The following PTBP2 variants were observed in gnomAD, a reference collection of about 807,000 sequenced individuals.
The protein encoded by PTBP2 is polypyrimidine tract binding protein 2.
A neutral mutation model predicts 61.4 loss-of-function variants in PTBP2; 13 were observed. The ratio of observed to expected loss-of-function variants is 0.21; its 90% CI spans 0.14 to 0.34. The LOEUF is 0.34. Ranked by LOEUF, PTBP2 falls within the 10% of genes least tolerant of loss-of-function variation. The pLI is 1.00. For missense variants in PTBP2, 405 were observed against 642.6 expected, an observed-to-expected ratio of 0.63 and a Z score of 4.00; for synonymous variants, 215 against 218.5, an observed-to-expected ratio of 0.98 and a Z score of 0.14.
intron 2 of PTBP2, among the ~76,000 whole-genome samples, chr1:96,723,904 AATGG>A (rs1650000148): frequency 6.6e-6 from 1 of 152,218 alleles, no homozygotes; most frequent in African/African-American, 2.4e-5. Context: ...AATGATTTTA[AATGG>A]ATGGTAAGTG....
At chr1:96,798,600 ATAGAG>A (rs1409708558) in intron 8 of PTBP2, among the ~76,000 whole-genome samples, 14 of 152,340 alleles carry the variant, frequency 9.2e-5, no homozygotes, top group African/African-American at 3.1e-4. Flanking sequence ...GTTCAAAATC[ATAGAG>A]TAAACTCTCA....
rs1308141717 is a variant in PTBP2 at position 96,813,584 on chromosome 1, CAG to C, written c.*182_*183del. ...TAAAATGAAATGGCATATGTAAAGG[CAG>C]AGTTGTTAACTGCTATATTTCATCT... On this transcript the variant is annotated 3_prime_UTR_variant, in exon 14 of 14. Transcript: ENST00000674951. 2 of 495,746 alleles carry C rather than the reference CAG, an allele frequency of 4.0e-6. No individual in the cohort carries two copies. The highest frequency in any genetic ancestry group is 4.2e-5 in the Admixed American group (1 of 23,750). The allele number at this position is 495,746 out of a possible 1,614,324, so 30.7% of individuals were successfully genotyped here.
chr1:96,772,459 T>C (rs1657489155), intron 5 of PTBP2, among the ~76,000 whole-genome samples: 1 of 152,084 alleles, frequency 6.6e-6, no homozygotes, highest in Non-Finnish European at 1.5e-5. Context: ...TTTTACAATG[T>C]CACAATACAG....
rs556653292 is a variant in PTBP2, at chr1:96,781,995, C to T, written c.709-3064C>T. Among the ~76,000 whole-genome samples, 17 of 152,038 alleles carry T rather than the reference C, an allele frequency of 1.1e-4. 1 individual carries two copies. In the South Asian group the frequency reaches 3.3e-3, roughly 30 times the overall value. ...TGTTGAGGAATATAATTACTTGATG[C>T]ATAAAAATATCAATCTTTTTAATAG... On this transcript the variant is annotated intron_variant, in intron 7 of 13. Transcript: ENST00000674951.
chr1:96,804,089 A>C (rs1157861428), intron 8 of PTBP2, among the ~76,000 whole-genome samples: 1 of 152,230 alleles, frequency 6.6e-6, no homozygotes, highest in East Asian at 1.9e-4. Context: ...TAAAATAAGA[A>C]GGAAATGATA....
chr1:96,780,898 A>T (rs1658580360), intron 7 of PTBP2, among the ~76,000 whole-genome samples: 1 of 152,030 alleles, frequency 6.6e-6, no homozygotes, highest in Non-Finnish European at 1.5e-5. Flanking sequence ...AAGCCAGTAA[A>T]CATGGTATTT....
intron 3 of PTBP2, among the ~76,000 whole-genome samples, chr1:96,761,549 G>A (rs201272771): frequency 1.6e-5 from 1 of 63,720 alleles, no homozygotes; most frequent in East Asian, 3.8e-4. Context: ...CTTGGAAGGA[G>A]AATGCAGGAA....
chr1:96,775,829 A>G (rs925315872), intron 5 of PTBP2, among the ~76,000 whole-genome samples: 2 of 152,148 alleles, frequency 1.3e-5, no homozygotes, highest in African/African-American at 4.8e-5. Context: ...GTAATTTGTT[A>G]CTGATGTGAG....
chr1:96,779,939 C>A (rs2101051971), intron 7 of PTBP2, among the ~76,000 whole-genome samples: 1 of 152,200 alleles, frequency 6.6e-6, no homozygotes, highest in South Asian at 2.1e-4. Context: ...CTCTACTCTA[C>A]TTTAAAAATC....
intron 2 of PTBP2, among the ~76,000 whole-genome samples, chr1:96,740,273 A>G (rs1652825975): frequency 2.0e-5 from 3 of 152,212 alleles, no homozygotes; most frequent in Admixed American, 2.0e-4. Flanking sequence ...AGATCAAGGT[A>G]CCAGCAAGGC....
rs1419828643 is a variant in PTBP2 at position 96,746,922 on chromosome 1, CCTTCCTT to C, written c.40-4501_40-4495del. ...CCCTCCCTCCCTCCCTCCCTTCCTT[CCTTCCTT>C]CCTTCCTTCCTTCCTACTTTACTTT... is the stretch of plus-strand genomic sequence containing the variant. On this transcript the variant is annotated intron_variant, in intron 2 of 13. Coordinates refer to ENST00000674951, the MANE Select transcript of PTBP2 (RefSeq NM_021190.4). Among the ~76,000 whole-genome samples the C allele has an allele frequency of 5.0e-4, 17 of 33,696 alleles. No homozygotes were observed. In the South Asian group the frequency reaches 5.2e-3, roughly 10 times the overall value. 22.1% of individuals were successfully genotyped at this position (33,696 alleles called of 152,430 possible).
intron 2 of PTBP2, among the ~76,000 whole-genome samples, chr1:96,740,163 CCT>C (rs1419876212): frequency 6.6e-6 from 1 of 152,112 alleles, no homozygotes. Flanking sequence ...TTTGAAGCCC[CCT>C]GTGTCATAAC....
chr1:96,733,666 T>C, intron 2 of PTBP2, among the ~76,000 whole-genome samples: 1 of 151,592 alleles, frequency 6.6e-6, no homozygotes, highest in East Asian at 1.9e-4. Flanking sequence ...AGATCCAGTC[T>C]CAAAAAAAAA....
chr1:96,794,598 A>T (rs753977700), intron 8 of PTBP2, among the ~76,000 whole-genome samples: 1 of 152,180 alleles, frequency 6.6e-6, no homozygotes, highest in Non-Finnish European at 1.5e-5. Flanking sequence ...TGTATTATTC[A>T]GCAGTCATTT....
chr1:96,743,276 T>TAAA (rs35637528), intron 2 of PTBP2, among the ~76,000 whole-genome samples: 1 of 144,034 alleles, frequency 6.9e-6, no homozygotes, highest in Non-Finnish European at 1.5e-5. Context: ...GACTCCGTCT[T>TAAA]AAAAAAAAAA....
At chr1:96,731,122 C>T (rs10875031) in intron 2 of PTBP2, among the ~76,000 whole-genome samples, 30,964 of 151,956 alleles carry the variant, frequency 0.2, 3,353 homozygotes, top group African/African-American at 0.27. Context: ...ACTGGACATA[C>T]CACAATTTAG....
intron 1 of PTBP2, among the ~76,000 whole-genome samples, chr1:96,722,808 A>G (rs1333922028): frequency 6.6e-6 from 1 of 152,224 alleles, no homozygotes; most frequent in African/African-American, 2.4e-5. Flanking sequence ...GTGAGAGGCA[A>G]GACTGTGAAA....
chr1:96,732,822 T>C (rs1009325720), intron 2 of PTBP2, among the ~76,000 whole-genome samples: 1 of 152,246 alleles, frequency 6.6e-6, no homozygotes, highest in African/African-American at 2.4e-5. Context: ...TTTACAGCCA[T>C]TGATCAGTGA....
intron 2 of PTBP2, among the ~76,000 whole-genome samples, chr1:96,744,117 G>A (rs1653424481): frequency 6.6e-6 from 1 of 151,650 alleles, no homozygotes; most frequent in Non-Finnish European, 1.5e-5. Context: ...CTTGAACCTG[G>A]GGAGGCTGAG....
Sources: allele counts gnomAD v4.1 joint callset (sites outside exome capture counted in the v4.1 genomes callset), GRCh38; gene constraint gnomAD v4.1.1; transcripts MANE v1.5; gene names NCBI Gene and HGNC (gene_info 2026-07-23, HGNC 2026-07-21).